CCDC141: variants seen among roughly 807,000 people sequenced by gnomAD.
CCDC141 encodes coiled-coil domain containing 141, also known as coiled-coil domain-containing protein 141.
CCDC141 carries 168 observed loss-of-function variants against 181.0 expected under a neutral mutation model. The observed-to-expected ratio is 0.93, with a 90% CI of 0.82 to 1.05. The LOEUF is 1.05. Among genes scored for constraint, CCDC141 ranks in the 50% least tolerant of loss-of-function variants. The pLI, the probability that CCDC141 is intolerant of heterozygous loss-of-function variation, is 0.00. For missense variants in CCDC141, 1,902 were observed against 1,788.5 expected, an observed-to-expected ratio of 1.06 and a Z score of -1.14; for synonymous variants, 666 against 642.3, an observed-to-expected ratio of 1.04 and a Z score of -0.56.
At chr2:178,866,973 G>T (rs1366402541) in intron 16 of CCDC141, among the ~76,000 whole-genome samples, 1 of 152,204 alleles carries the variant, frequency 6.6e-6, no homozygotes, top group Non-Finnish European at 1.5e-5. Context: ...AAAGTGCTGG[G>T]ATTACAGGCA....
chr2:178,856,514 G>T, intron 17 of CCDC141, 117 bp from the exon 18 acceptor site: 4 of 723,948 alleles, frequency 5.5e-6, no homozygotes, highest in South Asian at 3.3e-5. Flanking sequence ...AAGGTATTTA[G>T]GGTAATTTTC....
intron 2 of CCDC141, among the ~76,000 whole-genome samples, chr2:179,020,618 T>C (rs539397213): frequency 6.6e-6 from 1 of 152,166 alleles, no homozygotes; most frequent in South Asian, 2.1e-4. Flanking sequence ...TTAATAAACC[T>C]GAGCAAGTCC....
chr2:179,015,735 ATATATATCTTATATATATCT>A (rs1289359442), intron 2 of CCDC141, among the ~76,000 whole-genome samples: 40 of 134,552 alleles, frequency 3.0e-4, no homozygotes, highest in Non-Finnish European at 3.6e-4. Context: ...TATATCTCAT[ATATATATCTTATATATATCT>A]CATATATATC....
In CCDC141 at chr2:178,846,269, T is replaced by C. The variant is rs189600753; in HGVS notation, c.3358-527A>G. The stretch of plus-strand genomic sequence containing the variant: ...GCTTCATGTGGTTGAAGATATTTTG[T>C]TCCCTGCATTTCATGGGGCTCAGTT... On this transcript the variant is annotated intron_variant, in intron 21 of 23. Coordinates refer to ENST00000443758, the MANE Select transcript of CCDC141 (RefSeq NM_173648.4). Among the ~76,000 whole-genome samples, 11 of 152,310 alleles carry C rather than the reference T, an allele frequency of 7.2e-5. No individual in the cohort carries two copies. The East Asian group carries it at 2.1e-3, about 29-fold the overall frequency.
chr2:178,836,189 C>T (rs1224311840), intron 23 of CCDC141: 1 of 151,980 alleles, frequency 6.6e-6, no homozygotes, highest in Non-Finnish European at 1.5e-5. Context: ...CTTTTGTTAC[C>T]AATAGTAGGT....
chr2:179,015,299 T>TATCATATATATCTCATAC (rs2042445482), intron 2 of CCDC141, among the ~76,000 whole-genome samples: 1 of 134,454 alleles, frequency 7.4e-6, no homozygotes, highest in Non-Finnish European at 1.6e-5. Flanking sequence ...ATATCTCATA[T>TATCATATATATCTCATAC]ATGTATCATA....
Position 178,837,468 on chromosome 2 carries a change from C to G in CCDC141, c.3751G>C (p.Val1251Leu). 1 of 1,614,088 alleles carries G rather than the reference C, an allele frequency of 6.2e-7. No individual in the cohort carries two copies. The change falls in exon 23 of 24, where the codon GTG becomes CTG. Residue 1251 changes from valine (V) to leucine (L), a missense_variant. Transcript: ENST00000443758. ...CCTGGGCTGCTGGTCCCAGCCTGCA[C>G]CCCATAGCTGCTTATGTGAAGGCTG... ...SLSLHISSYG[V>L]QAGTSSPGDA... is the part of the protein sequence containing the mutation.
chr2:179,015,967 T>C (rs1467866699), intron 2 of CCDC141, among the ~76,000 whole-genome samples: 3 of 147,616 alleles, frequency 2.0e-5, no homozygotes, highest in Non-Finnish European at 3.0e-5. Flanking sequence ...ATATATCATA[T>C]ATATATCTCA....
At chr2:178,956,658 A>G (rs1286917990) in intron 5 of CCDC141, among the ~76,000 whole-genome samples, 1 of 152,160 alleles carries the variant, frequency 6.6e-6, no homozygotes, top group East Asian at 1.9e-4. Flanking sequence ...GACTGATTAT[A>G]TTTACTATAA....
intron 6 of CCDC141, among the ~76,000 whole-genome samples, chr2:178,923,983 G>A (rs1222924514): frequency 6.6e-6 from 1 of 152,122 alleles, no homozygotes; most frequent in East Asian, 1.9e-4. Context: ...TATCCAGCAA[G>A]CAGATCCAAA....
chr2:178,868,239 T>G, intron 15 of CCDC141, 34 bp from the exon 16 acceptor site: 1 of 1,568,242 alleles, frequency 6.4e-7, no homozygotes, highest in Non-Finnish European at 8.7e-7. Context: ...TAACCTGGGT[T>G]TTATATGAAG....
chr2:178,973,975 C>T (rs1691012562), intron 4 of CCDC141, among the ~76,000 whole-genome samples: 1 of 152,116 alleles, frequency 6.6e-6, no homozygotes, highest in African/African-American at 2.4e-5. Context: ...TTTATAATCC[C>T]TATTAGTGAT....
rs111978024 is a variant in CCDC141, at chr2:178,922,850, G to A, written c.898-3943C>T. On this transcript the variant is annotated intron_variant, in intron 6 of 23. Coordinates refer to ENST00000443758, the MANE Select transcript of CCDC141 (RefSeq NM_173648.4). The stretch of plus-strand genomic sequence containing the variant: ...CTGTGACCTTCCAAAGAAACTGTAA[G>A]GGGCCATTTTGTGGCTCTTATCTTT... Among the ~76,000 whole-genome samples, 237 of 152,316 alleles carry A rather than the reference G, an allele frequency of 1.6e-3. 2 individuals carry two copies. The highest frequency in any genetic ancestry group is 5.1e-3 in the African/African-American group (214 of 41,568).
downstream of CCDC141, among the ~76,000 whole-genome samples, chr2:178,827,618 T>C (rs1684145063): frequency 6.6e-6 from 1 of 152,084 alleles, no homozygotes; most frequent in African/African-American, 2.4e-5. Context: ...TGGACTGAAA[T>C]GTACTAGGGT....
intron 5 of CCDC141, among the ~76,000 whole-genome samples, chr2:178,945,946 C>A (rs983135234): frequency 2.0e-5 from 3 of 151,900 alleles, no homozygotes; most frequent in African/African-American, 7.3e-5. Context: ...GCTGACTATG[C>A]GATCAAAAGG....
chr2:179,035,073 A>G (rs2043104931), intron 2 of CCDC141, among the ~76,000 whole-genome samples: 1 of 152,144 alleles, frequency 6.6e-6, no homozygotes, highest in African/African-American at 2.4e-5. Flanking sequence ...ATTTTCCACA[A>G]TATACCCATA....
At chr2:179,017,445 G>A (rs1440972329) in intron 2 of CCDC141, among the ~76,000 whole-genome samples, 1 of 151,930 alleles carries the variant, frequency 6.6e-6, no homozygotes, top group Non-Finnish European at 1.5e-5. Flanking sequence ...AAGCACACTG[G>A]GTTCCCACCT....
chr2:178,979,244 T>A (rs57975992), intron 2 of CCDC141, among the ~76,000 whole-genome samples: 3,182 of 152,298 alleles, frequency 0.021, 93 homozygotes, highest in East Asian at 0.13. Context: ...GCTTACATAA[T>A]TGTCTCATTC....
At chr2:178,834,780 A>G (rs1220705004) in intron 23 of CCDC141, among the ~76,000 whole-genome samples, 1 of 151,172 alleles carries the variant, frequency 6.6e-6, no homozygotes, top group Non-Finnish European at 1.5e-5. Context: ...GGATCTCGCT[A>G]TGTTACCCAG....
Sources: allele counts gnomAD v4.1 joint callset (sites outside exome capture counted in the v4.1 genomes callset), GRCh38; gene constraint gnomAD v4.1.1; transcripts MANE v1.5; gene names NCBI Gene and HGNC (gene_info 2026-07-23, HGNC 2026-07-21).